The following ZFPM2 variants were observed in gnomAD, a reference collection of about 807,000 sequenced individuals.
ZFPM2 encodes the protein zinc finger protein ZFPM2.
ZFPM2 carries 20 observed loss-of-function variants against 98.6 expected under a neutral mutation model. The ratio of observed to expected loss-of-function variants is 0.20; its 90% CI spans 0.14 to 0.29. The LOEUF is 0.29. Ranked by LOEUF, ZFPM2 falls within the 10% of genes least tolerant of loss-of-function variation. The pLI is 1.00. For missense variants in ZFPM2, 1,310 were observed against 1,388.6 expected, an observed-to-expected ratio of 0.94 and a Z score of 0.90; for synonymous variants, 518 against 502.7, an observed-to-expected ratio of 1.03 and a Z score of -0.41.
At chr8:105,508,304 C>G (rs1813743767) in intron 3 of ZFPM2, among the ~76,000 whole-genome samples, 1 of 152,124 alleles carries the variant, frequency 6.6e-6, no homozygotes, top group Admixed American at 6.6e-5. Context: ...CAGCTTCTGT[C>G]TCTAGCAGAA....
chr8:105,431,467 A>G (rs1812019736), intron 2 of ZFPM2, among the ~76,000 whole-genome samples: 1 of 152,226 alleles, frequency 6.6e-6, no homozygotes, highest in Non-Finnish European at 1.5e-5. Context: ...CATGTGAGAC[A>G]TGCTGTGGAT....
chr8:105,665,936 C>T (rs560921136), intron 5 of ZFPM2, among the ~76,000 whole-genome samples: 1 of 152,188 alleles, frequency 6.6e-6, no homozygotes, highest in East Asian at 1.9e-4. Flanking sequence ...TGTACATATA[C>T]ACAACAGAAC....
intron 2 of ZFPM2, among the ~76,000 whole-genome samples, chr8:105,441,486 G>GAAAGAAAA (rs1554604936): frequency 1.8e-4 from 13 of 74,062 alleles, no homozygotes; most frequent in East Asian, 3.0e-4. Context: ...AAGAAAGAAA[G>GAAAGAAAA]AAAGAAAGAA....
intron 2 of ZFPM2, among the ~76,000 whole-genome samples, chr8:105,431,925 A>AAAAAAAAAAAAAG (rs1246206928): frequency 6.6e-6 from 1 of 151,968 alleles, no homozygotes; most frequent in Non-Finnish European, 1.5e-5. Context: ...GTGTCTCAAA[A>AAAAAAAAAAAAAG]AAAAGAAAAA....
At chr8:105,593,073 A>G (rs887147316) in intron 4 of ZFPM2, among the ~76,000 whole-genome samples, 2 of 152,138 alleles carry the variant, frequency 1.3e-5, no homozygotes, top group African/African-American at 2.4e-5. Context: ...CACTGGAGCA[A>G]AAGAAAGATA....
intron 3 of ZFPM2, among the ~76,000 whole-genome samples, chr8:105,485,731 G>A (rs1026505926): frequency 2.6e-5 from 4 of 152,114 alleles, no homozygotes; most frequent in African/African-American, 9.7e-5. Flanking sequence ...AGACAGATAA[G>A]AGTAGCAAGT....
At chr8:105,327,168 G>GACAT (rs1812130622) in intron 1 of ZFPM2, among the ~76,000 whole-genome samples, 1 of 151,270 alleles carries the variant, frequency 6.6e-6, no homozygotes, top group African/African-American at 2.4e-5. Context: ...TTAGCTAGTT[G>GACAT]ACATCTGTAT....
chr8:105,582,901 A>T (rs1815633714), intron 4 of ZFPM2, among the ~76,000 whole-genome samples: 1 of 152,104 alleles, frequency 6.6e-6, no homozygotes, highest in Non-Finnish European at 1.5e-5. Flanking sequence ...TCCTGTTTTC[A>T]GTTTTTAGTG....
chr8:105,429,016 G>T (rs534994577), intron 2 of ZFPM2, among the ~76,000 whole-genome samples: 70 of 152,234 alleles, frequency 4.6e-4, no homozygotes, highest in Non-Finnish European at 9.3e-4. Context: ...CAGACAGTAG[G>T]CTGTGATTAT....
chr8:105,384,280 T>C (rs184474219), intron 1 of ZFPM2, among the ~76,000 whole-genome samples: 10 of 152,186 alleles, frequency 6.6e-5, no homozygotes, highest in Admixed American at 6.5e-4. Context: ...TGTGAAGATA[T>C]GATGACCCAC....
chr8:105,788,272 G>C (rs1258915506), intron 5 of ZFPM2, among the ~76,000 whole-genome samples: 1 of 152,042 alleles, frequency 6.6e-6, no homozygotes, highest in Non-Finnish European at 1.5e-5. Context: ...TATTTCATGG[G>C]GGGAAAAGAA....
chr8:105,345,171 C>T (rs1352622554), intron 1 of ZFPM2, among the ~76,000 whole-genome samples: 2 of 151,940 alleles, frequency 1.3e-5, no homozygotes, highest in Non-Finnish European at 2.9e-5. Context: ...ATTTTGGTAT[C>T]AAATCCGGTG....
chr8:105,613,653 G>A (rs1272788995), intron 4 of ZFPM2, among the ~76,000 whole-genome samples: 2 of 152,014 alleles, frequency 1.3e-5, no homozygotes, highest in Admixed American at 1.3e-4. Flanking sequence ...ATATAGACTA[G>A]GTCCTAGTAG....
At chr8:105,759,206 T>G (rs1023254231) in intron 5 of ZFPM2, among the ~76,000 whole-genome samples, 1 of 152,118 alleles carries the variant, frequency 6.6e-6, no homozygotes, top group Non-Finnish European at 1.5e-5. Flanking sequence ...AGGCTTTGAA[T>G]GATTTGAAAG....
chr8:105,504,087 C>A (rs1311715833), intron 3 of ZFPM2, among the ~76,000 whole-genome samples: 2 of 152,108 alleles, frequency 1.3e-5, no homozygotes, highest in Non-Finnish European at 2.9e-5. Context: ...AGAGATAACT[C>A]CCCTAGGATT....
At chr8:105,762,710 A>C (rs2131075037) in intron 5 of ZFPM2, among the ~76,000 whole-genome samples, 1 of 152,166 alleles carries the variant, frequency 6.6e-6, no homozygotes, top group Admixed American at 6.6e-5. Context: ...ACACACACAC[A>C]CAAACACACA....
chr8:105,511,485 A>G (rs1813817206), intron 3 of ZFPM2, among the ~76,000 whole-genome samples: 1 of 152,222 alleles, frequency 6.6e-6, no homozygotes, highest in South Asian at 2.1e-4. Context: ...GAACCAACCC[A>G]AATTATGGTA....
intron 1 of ZFPM2, among the ~76,000 whole-genome samples, chr8:105,394,115 T>C (rs570314911): frequency 6.6e-6 from 1 of 152,028 alleles, no homozygotes; most frequent in Non-Finnish European, 1.5e-5. Context: ...GGATGGTCTC[T>C]ATCTCCTGAC....
chr8:105,327,036 A>G (rs995963800), intron 1 of ZFPM2, among the ~76,000 whole-genome samples: 1 of 151,502 alleles, frequency 6.6e-6, no homozygotes, highest in Non-Finnish European at 1.5e-5. Flanking sequence ...GATATATTTA[A>G]TGTTATTTGT....
Sources: gnomAD v4.1 joint callset for allele counts (sites outside exome capture counted in the v4.1 genomes callset) on GRCh38, gnomAD v4.1.1 for gene constraint, MANE v1.5 for transcripts, NCBI Gene and HGNC (gene_info 2026-07-23, HGNC 2026-07-21) for gene names.